The following GUCY1A2 variants were observed in gnomAD, a reference collection of about 807,000 sequenced individuals.
GUCY1A2 encodes guanylate cyclase 1 soluble subunit alpha 2, also known as guanylate cyclase soluble subunit alpha-2.
GUCY1A2 carries 27 observed loss-of-function variants against 63.5 expected under a neutral mutation model. The observed-to-expected ratio is 0.43, with a 90% CI of 0.31 to 0.59. GUCY1A2 has a LOEUF of 0.59. GUCY1A2 is among the 20% of genes least tolerant of loss of function. The pLI is 0.11. For synonymous variants in GUCY1A2, 364 were observed against 343.5 expected, an observed-to-expected ratio of 1.06 and a Z score of -0.66; for missense variants, 768 against 913.3, an observed-to-expected ratio of 0.84 and a Z score of 2.05.
intron 4 of GUCY1A2, among the ~76,000 whole-genome samples, chr11:106,872,595 A>G (rs1175252896): frequency 1.3e-5 from 2 of 152,206 alleles, no homozygotes; most frequent in Non-Finnish European, 2.9e-5. Context: ...GAATAGGACC[A>G]GTGAATACAA....
At chr11:106,888,749 G>T (rs1327152220) in intron 4 of GUCY1A2, among the ~76,000 whole-genome samples, 1 of 152,124 alleles carries the variant, frequency 6.6e-6, no homozygotes, top group Non-Finnish European at 1.5e-5. Context: ...AAAGTTCATT[G>T]CTCCACTGCT....
At chr11:106,926,571 A>G (rs1429182673) in intron 4 of GUCY1A2, among the ~76,000 whole-genome samples, 1 of 152,104 alleles carries the variant, frequency 6.6e-6, no homozygotes, top group African/African-American at 2.4e-5. Flanking sequence ...TCCCCTTAGA[A>G]TTATCAAATT....
chr11:106,820,944 T>G lies in GUCY1A2; in HGVS notation c.1207-10466A>C, dbSNP rs182037821. Among the ~76,000 whole-genome samples, 34 of 152,336 alleles carry G rather than the reference T, an allele frequency of 2.2e-4. No homozygotes were observed. The East Asian group carries it at 5.4e-3, about 24-fold the overall frequency. ...CTTTTAGACAATTTATCTCTGTGCT[T>G]TTTTATTTTCTTGTGTGTTTGCATT... is the stretch of plus-strand genomic sequence containing the variant. On this transcript the variant is annotated intron_variant, in intron 4 of 7. Transcript: ENST00000526355.
At chr11:106,833,472 C>T (rs1859077829) in intron 4 of GUCY1A2, among the ~76,000 whole-genome samples, 1 of 152,110 alleles carries the variant, frequency 6.6e-6, no homozygotes, top group Non-Finnish European at 1.5e-5. Flanking sequence ...ATTACAACAA[C>T]TTTCACCATT....
chr11:106,754,791 A>G (rs1053003664), intron 6 of GUCY1A2, among the ~76,000 whole-genome samples: 1 of 152,186 alleles, frequency 6.6e-6, no homozygotes, highest in Non-Finnish European at 1.5e-5. Flanking sequence ...ATCAATGTTC[A>G]TCAGGGATAT....
chr11:106,676,936 G>T lies in GUCY1A2; in HGVS notation c.*10613C>A, dbSNP rs1486013935. The T allele has an allele frequency of 1.4e-5, 3 of 208,732 alleles. No homozygotes were observed. The highest frequency in any genetic ancestry group is 6.8e-5 in the African/African-American group (3 of 43,992). 12.9% of individuals were successfully genotyped at this position (208,732 alleles called of 1,614,324 possible). ...AATTCAATGAAAATGAACACACATA[G>T]ATTTTTATAGACCCACATTTCTCTT... On this transcript the variant is annotated 3_prime_UTR_variant, in exon 8 of 8. Transcript: ENST00000526355.
At chr11:106,759,319 A>T (rs1864025953) in intron 6 of GUCY1A2, among the ~76,000 whole-genome samples, 1 of 152,198 alleles carries the variant, frequency 6.6e-6, no homozygotes, top group Non-Finnish European at 1.5e-5. Flanking sequence ...AGTAATGTCC[A>T]TCAATTCCAG....
At chr11:106,973,161 T>C (rs923743069) in intron 3 of GUCY1A2, among the ~76,000 whole-genome samples, 3 of 152,106 alleles carry the variant, frequency 2.0e-5, no homozygotes, top group Non-Finnish European at 2.9e-5. Flanking sequence ...TTTAATAAGA[T>C]TATATGATGA....
At chr11:106,820,933 A>C (rs1309072763) in intron 4 of GUCY1A2, among the ~76,000 whole-genome samples, 4 of 152,202 alleles carry the variant, frequency 2.6e-5, no homozygotes, top group Non-Finnish European at 5.9e-5. Context: ...TAGACAATTT[A>C]TCTCTGTGCT....
intron 6 of GUCY1A2, among the ~76,000 whole-genome samples, chr11:106,767,742 ATCATG>A (rs544617455): frequency 6.6e-6 from 1 of 152,074 alleles, no homozygotes; most frequent in Non-Finnish European, 1.5e-5. Flanking sequence ...GCACTATAGC[ATCATG>A]TCAGAAGAGT....
chr11:106,956,533 C>T (rs980370414), intron 3 of GUCY1A2, among the ~76,000 whole-genome samples: 3 of 151,918 alleles, frequency 2.0e-5, no homozygotes, highest in African/African-American at 4.8e-5. Flanking sequence ...AATAATTGGT[C>T]CCTCTTCTGT....
Position 106,796,058 on chromosome 11 carries a change from C to T in GUCY1A2, c.1692+13935G>A, listed in dbSNP as rs181202806. 5.9e-5 allele frequency among the ~76,000 whole-genome samples: 9 copies of T among 152,028 alleles called. No homozygotes were observed. The South Asian group carries it at 6.2e-4, about 11-fold the overall frequency. ...TGTTGAATTGATCCCTTTACCATTA[C>T]GTAATGGCCTTCTTTGTCTCTTTTG... On this transcript the variant is annotated intron_variant, in intron 5 of 7. Transcript: ENST00000526355.
intron 2 of GUCY1A2, among the ~76,000 whole-genome samples, chr11:106,984,522 C>T (rs1861376810): frequency 6.6e-6 from 1 of 152,182 alleles, no homozygotes; most frequent in African/African-American, 2.4e-5. Flanking sequence ...AAGAGTCCCA[C>T]TCCAATTTGC....
At chr11:106,891,724 T>C (rs1212235808) in intron 4 of GUCY1A2, among the ~76,000 whole-genome samples, 2 of 152,140 alleles carry the variant, frequency 1.3e-5, no homozygotes, top group Non-Finnish European at 2.9e-5. Context: ...TCAATATATA[T>C]TTGAACCTAT....
chr11:106,922,088 T>C (rs1860451777), intron 4 of GUCY1A2, among the ~76,000 whole-genome samples: 1 of 152,176 alleles, frequency 6.6e-6, no homozygotes, highest in Admixed American at 6.5e-5. Context: ...TTGCCTAGGT[T>C]GCTTTCCTCA....
intron 4 of GUCY1A2, among the ~76,000 whole-genome samples, chr11:106,815,247 A>G (rs967800598): frequency 6.6e-6 from 1 of 152,082 alleles, no homozygotes; most frequent in Non-Finnish European, 1.5e-5. Flanking sequence ...TGAACAACAG[A>G]GAAAATAGGC....
chr11:106,732,737 G>A (rs1374825215), intron 6 of GUCY1A2, among the ~76,000 whole-genome samples: 1 of 152,080 alleles, frequency 6.6e-6, no homozygotes. Flanking sequence ...TCTCACTACA[G>A]AAATTAAGGA....
At chr11:106,706,029 ATTATC>A (rs1299266335) in intron 7 of GUCY1A2, among the ~76,000 whole-genome samples, 1 of 152,188 alleles carries the variant, frequency 6.6e-6, no homozygotes, top group Admixed American at 6.5e-5. Context: ...TGGATATTTT[ATTATC>A]TTTTCAGTAC....
At chr11:106,739,551 GCCTA>G (rs1381276254) in intron 6 of GUCY1A2, among the ~76,000 whole-genome samples, 6 of 152,154 alleles carry the variant, frequency 3.9e-5, no homozygotes, top group Non-Finnish European at 8.8e-5. Flanking sequence ...TAAGCAGCTT[GCCTA>G]CAACCTAAGG....
Sources: gnomAD v4.1 joint callset for allele counts (sites outside exome capture counted in the v4.1 genomes callset) on GRCh38, gnomAD v4.1.1 for gene constraint, MANE v1.5 for transcripts, NCBI Gene and HGNC (gene_info 2026-07-23, HGNC 2026-07-21) for gene names.